MYT1L: variants seen among roughly 807,000 people sequenced by gnomAD.
MYT1L encodes myelin transcription factor 1-like protein.
Under a neutral mutation model 126.7 loss-of-function variants are expected in MYT1L, and 12 were observed. The observed-to-expected ratio is 0.09, with a 90% confidence interval of 0.06 to 0.15. MYT1L has a LOEUF of 0.15. MYT1L is among the 10% of genes least tolerant of loss of function. MYT1L has a pLI of 1.00. For synonymous variants in MYT1L, 541 were observed against 604.2 expected (o/e 0.90, Z 1.53); for missense variants, 979 against 1,585.2 (o/e 0.62, Z 6.49).
intron 2 of MYT1L, among the ~76,000 whole-genome samples, chr2:2,205,209 T>C (rs567769629): frequency 6.6e-6 from 1 of 151,858 alleles, no homozygotes; most frequent in Non-Finnish European, 1.5e-5. Flanking sequence ...ATGGTACATG[T>C]ATACATATGT....
intron 3 of MYT1L, among the ~76,000 whole-genome samples, chr2:2,167,954 A>G (rs2089431053): frequency 6.6e-6 from 1 of 152,226 alleles, no homozygotes. Flanking sequence ...GGTTGTGTGT[A>G]TGGATGGGGC....
intron 3 of MYT1L, among the ~76,000 whole-genome samples, chr2:2,146,115 C>T (rs2084837955): frequency 6.6e-6 from 1 of 152,178 alleles, no homozygotes; most frequent in East Asian, 1.9e-4. Context: ...CACAGAAGTA[C>T]ATAAATCTGT....
intron 3 of MYT1L, among the ~76,000 whole-genome samples, chr2:2,137,585 G>T (rs2083257104): frequency 6.6e-6 from 1 of 152,118 alleles, no homozygotes; most frequent in African/African-American, 2.4e-5. Context: ...AACAAGCAAT[G>T]GGGAAAGGAT....
intron 21 of MYT1L, among the ~76,000 whole-genome samples, chr2:1,823,451 G>A (rs1000663749): frequency 6.6e-6 from 1 of 152,260 alleles, no homozygotes; most frequent in Non-Finnish European, 1.5e-5. Context: ...TCCTGGAGGA[G>A]GGAGCAGGCA....
chr2:1,891,947 GC>G, intron 15 of MYT1L, 89 bp downstream of exon 15: 2 of 1,437,180 alleles, frequency 1.4e-6, no homozygotes, highest in South Asian at 2.9e-5. Flanking sequence ...CCATACAGCT[GC>G]CCCGAAAGCG....
chr2:1,949,492 C>T (rs1464870996), intron 8 of MYT1L, among the ~76,000 whole-genome samples: 4 of 152,170 alleles, frequency 2.6e-5, no homozygotes, highest in Non-Finnish European at 5.9e-5. Context: ...CAACAACTTC[C>T]AGTTTTTTGC....
At chr2:1,842,864 CCAGCTTCCGCTT>C (rs907478174) in intron 19 of MYT1L, 4 of 93,784 alleles carry the variant, frequency 4.3e-5, no homozygotes, top group African/African-American at 9.3e-5. Flanking sequence ...CCTCGTCTGT[CCAGCTTCCGCTT>C]CCAGGCGCTT....
chr2:2,079,793 C>G (rs1002694969), intron 3 of MYT1L, among the ~76,000 whole-genome samples: 1 of 147,992 alleles, frequency 6.8e-6, no homozygotes, highest in Non-Finnish European at 1.5e-5. Context: ...GCCTGGGCAA[C>G]AGAGTGAGAC....
chr2:1,991,299 G>A (rs572401247), intron 5 of MYT1L, among the ~76,000 whole-genome samples: 38 of 152,166 alleles, frequency 2.5e-4, no homozygotes, highest in African/African-American at 4.6e-4. Flanking sequence ...TGAGGGTCTC[G>A]CTGTATCTTT....
intron 21 of MYT1L, among the ~76,000 whole-genome samples, chr2:1,829,763 A>T (rs192323313): frequency 4.6e-5 from 6 of 130,432 alleles, no homozygotes; most frequent in Admixed American, 4.4e-4. Flanking sequence ...TGACCCTCCC[A>T]TACACCTGTG....
At chr2:2,004,736 CTTCTTTCCTGCAGGCG>C (rs2062982681) in intron 4 of MYT1L, among the ~76,000 whole-genome samples, 1 of 111,738 alleles carries the variant, frequency 8.9e-6, no homozygotes, top group Non-Finnish European at 1.8e-5. Context: ...TCCTGCGTGC[CTTCTTTCCTGCAGGCG>C]TTCTTTCCTG....
chr2:2,043,437 A>C (rs1426635817), intron 4 of MYT1L, among the ~76,000 whole-genome samples: 1 of 152,214 alleles, frequency 6.6e-6, no homozygotes, highest in African/African-American at 2.4e-5. Context: ...GTCATTGTAC[A>C]TTGCAGCCAC....
At chr2:1,799,324 G>A (rs1002785684) in intron 23 of MYT1L, among the ~76,000 whole-genome samples, 1 of 152,168 alleles carries the variant, frequency 6.6e-6, no homozygotes, top group Non-Finnish European at 1.5e-5. Flanking sequence ...GGTGCAGAGC[G>A]TGCCTGGGGT....
At chr2:1,831,247 C>A (rs973975019) in intron 21 of MYT1L, among the ~76,000 whole-genome samples, 1 of 151,982 alleles carries the variant, frequency 6.6e-6, no homozygotes, top group African/African-American at 2.4e-5. Context: ...CTGAGGACCC[C>A]CAGCTCCCCA....
chr2:1,952,050 A>G (rs996865666), intron 8 of MYT1L, among the ~76,000 whole-genome samples: 3 of 152,182 alleles, frequency 2.0e-5, no homozygotes, highest in Non-Finnish European at 2.9e-5. Flanking sequence ...ACATTTTTTA[A>G]AGTTATTTTT....
chr2:2,163,587 C>T (rs557526370), intron 3 of MYT1L, among the ~76,000 whole-genome samples: 50 of 151,024 alleles, frequency 3.3e-4, no homozygotes, highest in Non-Finnish European at 6.6e-4. Context: ...AAAAAATTAG[C>T]GGGGTGCGGT....
At chr2:1,931,277 C>T (rs900108646) in intron 9 of MYT1L, among the ~76,000 whole-genome samples, 7 of 152,360 alleles carry the variant, frequency 4.6e-5, no homozygotes, top group South Asian at 2.1e-4. Context: ...ATGCCTAGTG[C>T]GCACTTTGAA....
At chr2:1,953,021 CTTCCTCT>C (rs2058028938) in intron 8 of MYT1L, among the ~76,000 whole-genome samples, 2 of 145,670 alleles carry the variant, frequency 1.4e-5, no homozygotes, top group African/African-American at 2.5e-5. Context: ...TCCTTCCTTC[CTTCCTCT>C]TTCCTCTTTC....
chr2:2,009,947 G>A (rs924089973), intron 4 of MYT1L, among the ~76,000 whole-genome samples: 2 of 139,314 alleles, frequency 1.4e-5, no homozygotes, highest in African/African-American at 5.3e-5. Context: ...TTTGTGAAAA[G>A]CTTTTTCTGT....
Sources: gnomAD v4.1 joint callset for allele counts (sites outside exome capture counted in the v4.1 genomes callset) on GRCh38, gnomAD v4.1.1 for gene constraint, MANE v1.5 for transcripts, NCBI Gene and HGNC (gene_info 2026-07-23, HGNC 2026-07-21) for gene names.